Variants in EXOC4 observed in about 807,000 individuals in gnomAD.
EXOC4 encodes the protein exocyst complex component 4, also known as SEC8-like 1.
Under a neutral mutation model 107.2 loss-of-function variants are expected in EXOC4, and 71 were observed. The observed-to-expected ratio is 0.66, with a 90% CI of 0.55 to 0.81. EXOC4 has a LOEUF of 0.81. Among genes scored for constraint, EXOC4 ranks in the 30% least tolerant of loss-of-function variants. The pLI, the probability that EXOC4 is intolerant of heterozygous loss-of-function variation, is 0.00. For missense variants in EXOC4, 1,108 were observed against 1,189.6 expected, an observed-to-expected ratio of 0.93 and a Z score of 1.01; for synonymous variants, 456 against 441.2, an observed-to-expected ratio of 1.03 and a Z score of -0.42.
intron 14 of EXOC4, among the ~76,000 whole-genome samples, chr7:133,951,816 C>T (rs1585272934): frequency 6.6e-6 from 1 of 152,326 alleles, no homozygotes; most frequent in East Asian, 1.9e-4. Flanking sequence ...CATTAAATGA[C>T]TTCCTCTGTG....
chr7:133,936,660 T>C (rs1360865713), intron 13 of EXOC4, among the ~76,000 whole-genome samples: 1 of 152,176 alleles, frequency 6.6e-6, no homozygotes, highest in African/African-American at 2.4e-5. Context: ...TGTTTTGTTT[T>C]TGTTTTGTTT....
At chr7:133,307,215 G>A (rs559280587) in intron 4 of EXOC4, among the ~76,000 whole-genome samples, 5 of 152,326 alleles carry the variant, frequency 3.3e-5, no homozygotes, top group African/African-American at 9.6e-5. Context: ...TCCTGACAGA[G>A]AAAGAGAGGT....
intron 5 of EXOC4, among the ~76,000 whole-genome samples, chr7:133,330,646 G>A (rs1239258585): frequency 1.8e-5 from 2 of 110,650 alleles, no homozygotes; most frequent in South Asian, 6.4e-4. Context: ...CTCACGGCAC[G>A]GCACAGTCCC....
the EXOC4 span, among the ~76,000 whole-genome samples, chr7:134,089,516 C>T: frequency 1.3e-5 from 2 of 152,186 alleles, no homozygotes; most frequent in African/African-American, 2.4e-5. Context: ...CTCTTTCCAA[C>T]ATCTAACTTC....
At chr7:133,957,424 A>G (rs946034856) in intron 14 of EXOC4, among the ~76,000 whole-genome samples, 4 of 152,218 alleles carry the variant, frequency 2.6e-5, no homozygotes, top group African/African-American at 9.6e-5. Flanking sequence ...ACTTTTGAAT[A>G]ACTGTAGTCT....
At chr7:133,970,798 T>A (rs1801203223) in intron 14 of EXOC4, among the ~76,000 whole-genome samples, 1 of 152,140 alleles carries the variant, frequency 6.6e-6, no homozygotes, top group African/African-American at 2.4e-5. Context: ...TCAGCCATCT[T>A]GCCAGCCACC....
chr7:133,513,082 G>A (rs188261947), intron 9 of EXOC4, among the ~76,000 whole-genome samples: 96 of 152,230 alleles, frequency 6.3e-4, no homozygotes, highest in Middle Eastern at 3.4e-3. Context: ...TCCATCTTGG[G>A]TGACAGAGCA....
At chr7:133,402,647 C>T (rs553791275) in intron 7 of EXOC4, among the ~76,000 whole-genome samples, 6 of 152,160 alleles carry the variant, frequency 3.9e-5, no homozygotes, top group South Asian at 4.1e-4. Context: ...TATAGGCATG[C>T]GCTACCACAC....
chr7:133,682,773 G>A (rs975328308), intron 10 of EXOC4, among the ~76,000 whole-genome samples: 1 of 152,126 alleles, frequency 6.6e-6, no homozygotes, highest in Non-Finnish European at 1.5e-5. Context: ...AACATCAGAC[G>A]CTTTTACCAC....
intron 10 of EXOC4, among the ~76,000 whole-genome samples, chr7:133,737,030 T>C (rs895689635): frequency 3.3e-5 from 5 of 152,198 alleles, no homozygotes; most frequent in African/African-American, 1.2e-4. Context: ...TCACTAACAG[T>C]TATTATCTAA....
intron 7 of EXOC4, among the ~76,000 whole-genome samples, chr7:133,403,188 A>G (rs746174552): frequency 1.3e-4 from 20 of 152,168 alleles, no homozygotes; most frequent in Admixed American, 4.6e-4. Context: ...CGGCTGCAAG[A>G]TCCTAATATT....
intron 17 of EXOC4, among the ~76,000 whole-genome samples, chr7:134,035,245 CTGTT>C (rs1211359169): frequency 2.6e-5 from 4 of 151,746 alleles, no homozygotes; most frequent in Non-Finnish European, 5.9e-5. Context: ...GGGTTTCTGT[CTGTT>C]GGTCAGGCTG....
intron 15 of EXOC4, among the ~76,000 whole-genome samples, chr7:134,003,809 A>T (rs200097403): frequency 6.6e-6 from 1 of 151,598 alleles, no homozygotes; most frequent in Non-Finnish European, 1.5e-5. Flanking sequence ...CAGAATTTGG[A>T]CTGAAACACT....
intron 5 of EXOC4, among the ~76,000 whole-genome samples, chr7:133,329,754 G>C (rs1333311647): frequency 6.6e-6 from 1 of 152,202 alleles, no homozygotes; most frequent in African/African-American, 2.4e-5. Context: ...ACCAGCAGAG[G>C]CTACAGAACA....
In EXOC4 at chr7:133,432,090, T is replaced by C. The variant is rs535721068; in HGVS notation, c.1183-43238T>C. Among the ~76,000 whole-genome samples, 3 of 152,312 alleles carry C rather than the reference T, an allele frequency of 2.0e-5. No homozygotes were observed. The South Asian group carries it at 6.2e-4, about 32-fold the overall frequency. ...CCTAGGGAGGATCATAAGTCTACTA[T>C]GATCATAATTGTGTTCCTGGTCTAG... On this transcript the variant is annotated intron_variant, in intron 7 of 17. Transcript: ENST00000253861.
rs1801181128 is a variant in EXOC4 at position 133,970,505 on chromosome 7, G to T, written c.2207-26987G>T. On this transcript the variant is annotated intron_variant, in intron 14 of 17. Transcript: ENST00000253861. ...ACCAGAGGGAATCTCCTGGTCTGCA[G>T]GTTGCAAAGACTGTGGAAAAAGCAT... 6.6e-5 allele frequency among the ~76,000 whole-genome samples: 10 copies of T among 152,186 alleles called. No homozygotes were observed. In the South Asian group the frequency reaches 2.1e-3, roughly 32 times the overall value.
intron 10 of EXOC4, among the ~76,000 whole-genome samples, chr7:133,696,566 G>A (rs1007365993): frequency 3.9e-5 from 6 of 151,926 alleles, no homozygotes; most frequent in African/African-American, 9.7e-5. Flanking sequence ...GTACCTTATG[G>A]TCTTATATTA....
At chr7:133,300,543 A>G (rs1794619691) in intron 3 of EXOC4, among the ~76,000 whole-genome samples, 1 of 152,214 alleles carries the variant, frequency 6.6e-6, no homozygotes, top group South Asian at 2.1e-4. Flanking sequence ...TACTGGTGTC[A>G]TGCTGTAAAC....
At chr7:133,638,315 AGTTAACTGGTTGTT>A (rs1278151278) in intron 10 of EXOC4, among the ~76,000 whole-genome samples, 2 of 152,220 alleles carry the variant, frequency 1.3e-5, no homozygotes, top group Non-Finnish European at 2.9e-5. Flanking sequence ...GTTATGATGC[AGTTAACTGGTTGTT>A]GAATTTCCAG....
Sources: gnomAD v4.1 joint callset for allele counts (sites outside exome capture counted in the v4.1 genomes callset) on GRCh38, gnomAD v4.1.1 for gene constraint, MANE v1.5 for transcripts, NCBI Gene and HGNC (gene_info 2026-07-23, HGNC 2026-07-21) for gene names.